Variants in CCDC192 observed in about 807,000 individuals in gnomAD.
CCDC192 encodes coiled-coil domain-containing protein 192.
intron 6 of CCDC192, among the ~76,000 whole-genome samples, chr5:127,908,951 T>A (rs951743468): frequency 5.4e-4 from 82 of 152,294 alleles, no homozygotes; most frequent in African/African-American, 1.9e-3. Flanking sequence ...CATTCAACCA[T>A]TTTTTGACCA....
chr5:127,845,319 G>A (rs947841856), intron 5 of CCDC192, among the ~76,000 whole-genome samples: 1 of 152,174 alleles, frequency 6.6e-6, no homozygotes, highest in Non-Finnish European at 1.5e-5. Flanking sequence ...CCACGAATGA[G>A]AGCACAGGGT....
At chr5:127,721,054 CA>C (rs1300973530) in intron 2 of CCDC192, among the ~76,000 whole-genome samples, 2 of 152,236 alleles carry the variant, frequency 1.3e-5, no homozygotes. Context: ...TGACTATCAA[CA>C]TTTGGCTCCT....
intron 3 of CCDC192, among the ~76,000 whole-genome samples, chr5:127,769,308 G>A (rs914187188): frequency 5.9e-5 from 9 of 152,092 alleles, no homozygotes; most frequent in Non-Finnish European, 1.0e-4. Context: ...AAGGAAGTCC[G>A]GGGAAGGAAC....
At chr5:127,880,457 T>TG (rs1752301220) in intron 6 of CCDC192, among the ~76,000 whole-genome samples, 1 of 52,248 alleles carries the variant, frequency 1.9e-5, no homozygotes, top group Admixed American at 3.2e-4. Flanking sequence ...TGTGGTGGGG[T>TG]GGGGGGAGGG....
rs199914714 is a variant in CCDC192 at position 127,758,689 on chromosome 5, TA to T, written c.222+4322del. On this transcript the variant is annotated intron_variant, in intron 3 of 6. Coordinates refer to ENST00000514853, the MANE Select transcript of CCDC192 (RefSeq NM_001317938.2). ...AAATGCCTGGATGTTGGGTAATAGA[TA>T]AAAAAAAGGGTGAATAAAAGGGAGA... Among the ~76,000 whole-genome samples the T allele has an allele frequency of 4.0e-5, 6 of 151,354 alleles. No homozygotes were observed. The East Asian group carries it at 5.8e-4, about 15-fold the overall frequency.
chr5:127,779,012 C>T (rs1348635340), intron 3 of CCDC192, among the ~76,000 whole-genome samples: 1 of 151,898 alleles, frequency 6.6e-6, no homozygotes, highest in Non-Finnish European at 1.5e-5. Context: ...GTCTGTTTTT[C>T]TTAGCAACAT....
intron 2 of CCDC192, among the ~76,000 whole-genome samples, chr5:127,738,671 T>A (rs1753186104): frequency 6.6e-6 from 1 of 152,022 alleles, no homozygotes; most frequent in African/African-American, 2.4e-5. Flanking sequence ...CTCGCTTCAT[T>A]TCATTCATTT....
At chr5:127,933,370 C>G (rs1754100953) in intron 6 of CCDC192, among the ~76,000 whole-genome samples, 1 of 152,122 alleles carries the variant, frequency 6.6e-6, no homozygotes, top group African/African-American at 2.4e-5. Flanking sequence ...TATTGCGATA[C>G]TTAAATACTA....
intron 3 of CCDC192, among the ~76,000 whole-genome samples, chr5:127,761,232 A>G (rs1219971510): frequency 6.6e-6 from 1 of 152,188 alleles, no homozygotes; most frequent in African/African-American, 2.4e-5. Context: ...TCATTTAACA[A>G]TTGTTTATTG....
chr5:127,891,111 G>A (rs538727600), intron 6 of CCDC192, among the ~76,000 whole-genome samples: 23 of 152,278 alleles, frequency 1.5e-4, no homozygotes, highest in African/African-American at 5.5e-4. Context: ...GAGTGCAGTG[G>A]CGCAATCTCG....
At chr5:127,816,242 A>G (rs984366718) in intron 5 of CCDC192, among the ~76,000 whole-genome samples, 6 of 152,194 alleles carry the variant, frequency 3.9e-5, no homozygotes, top group African/African-American at 1.4e-4. Context: ...AAAGGGTTCA[A>G]ATTGCATCAG....
At chr5:127,750,391 C>G (rs527359959) in intron 2 of CCDC192, among the ~76,000 whole-genome samples, 338 of 152,222 alleles carry the variant, frequency 2.2e-3, no homozygotes, top group African/African-American at 7.8e-3. Flanking sequence ...CATTCAGGAG[C>G]AGGTTGTTCA....
intron 5 of CCDC192, among the ~76,000 whole-genome samples, chr5:127,825,286 G>T (rs1427408954): frequency 1.3e-5 from 2 of 152,198 alleles, no homozygotes; most frequent in Non-Finnish European, 2.9e-5. Context: ...AGTGGTATCT[G>T]TCTTAGATCA....
intron 5 of CCDC192, among the ~76,000 whole-genome samples, chr5:127,866,392 GA>G: frequency 6.6e-6 from 1 of 150,514 alleles, no homozygotes; most frequent in East Asian, 1.9e-4. Flanking sequence ...GAAGTCAGTG[GA>G]AAATTTTACA....
At chr5:127,895,451 G>T (rs1752853471) in intron 6 of CCDC192, among the ~76,000 whole-genome samples, 1 of 152,136 alleles carries the variant, frequency 6.6e-6, no homozygotes, top group African/African-American at 2.4e-5. Flanking sequence ...AGAAAGTCTT[G>T]AATGATTATT....
At chr5:127,934,784 TA>T (rs1274074140) in intron 6 of CCDC192, among the ~76,000 whole-genome samples, 1 of 152,200 alleles carries the variant, frequency 6.6e-6, no homozygotes, top group Non-Finnish European at 1.5e-5. Flanking sequence ...GATATATTTC[TA>T]AAGAATATGT....
intron 2 of CCDC192, among the ~76,000 whole-genome samples, chr5:127,734,525 T>G (rs1580554270): frequency 6.8e-6 from 1 of 146,788 alleles, no homozygotes; most frequent in Non-Finnish European, 1.5e-5. Context: ...ATGGTTGAAC[T>G]AGTTTACAGT....
chr5:127,719,456 C>CATAT (rs200954365), intron 2 of CCDC192, among the ~76,000 whole-genome samples: 20 of 133,572 alleles, frequency 1.5e-4, no homozygotes, highest in African/African-American at 2.4e-4. Flanking sequence ...TATATACATA[C>CATAT]ATATATATAC....
chr5:127,761,581 G>A (rs1345707453), intron 3 of CCDC192, among the ~76,000 whole-genome samples: 1 of 152,016 alleles, frequency 6.6e-6, no homozygotes, highest in Non-Finnish European at 1.5e-5. Context: ...TGTTATTCCT[G>A]TTGTTTTTGA....
Sources: allele counts gnomAD v4.1 joint callset (sites outside exome capture counted in the v4.1 genomes callset), GRCh38; gene constraint gnomAD v4.1.1; transcripts MANE v1.5; gene names NCBI Gene and HGNC (gene_info 2026-07-23, HGNC 2026-07-21).